Variants in FCHO2 observed in about 807,000 individuals in gnomAD.
FCHO2 encodes F-BAR domain only protein 2.
Under a neutral mutation model 114.1 loss-of-function variants are expected in FCHO2, and 43 were observed. The observed-to-expected ratio is 0.38, with a 90% confidence interval of 0.30 to 0.49. The LOEUF is 0.49. FCHO2 is among the 20% of genes least tolerant of loss of function. The pLI, the probability that FCHO2 is intolerant of heterozygous loss-of-function variation, is 0.97. For missense variants in FCHO2, 807 were observed against 950.4 expected, an observed-to-expected ratio of 0.85 and a Z score of 1.98; for synonymous variants, 293 against 315.2, an observed-to-expected ratio of 0.93 and a Z score of 0.75.
rs1236753659 is a variant in FCHO2 at position 73,089,168 on chromosome 5, A to AGT, written c.*1084_*1085dup. On this transcript the variant is annotated 3_prime_UTR_variant, in exon 26 of 26. Transcript: ENST00000430046. The stretch of plus-strand genomic sequence containing the variant: ...GATACTTGACATTAACCTCATCAAA[A>AGT]GTGTGTGAATTTTAAAACAAATTCT... 1 of 152,566 alleles carries AGT rather than the reference A, an allele frequency of 6.6e-6. No homozygotes were observed. Among genetic ancestry groups the AGT allele is most frequent in the African/African-American group, 2.4e-5 (1 of 41,446 alleles). The allele number at this position is 152,566 out of a possible 1,614,324, so 9.5% of individuals were successfully genotyped here. A position where few individuals can be genotyped will look rare whatever the true frequency, so the allele number is the denominator to read the frequency against.
At chr5:73,052,529 CTCT>C in intron 13 of FCHO2, 22 bp downstream of exon 13, 1 of 1,543,716 alleles carries the variant, frequency 6.5e-7, no homozygotes, top group Non-Finnish European at 8.7e-7. Flanking sequence ...CACGTTTGTA[CTCT>C]TTATATAAAA....
At chr5:73,010,562 A>G (rs1024145496) in intron 6 of FCHO2, among the ~76,000 whole-genome samples, 2 of 152,070 alleles carry the variant, frequency 1.3e-5, no homozygotes, top group African/African-American at 4.8e-5. Context: ...CAATTTTGTC[A>G]TTGTGTGAAC....
At chr5:73,017,702 C>G (rs1755379867) in intron 8 of FCHO2, among the ~76,000 whole-genome samples, 1 of 152,086 alleles carries the variant, frequency 6.6e-6, no homozygotes, top group Admixed American at 6.6e-5. Context: ...ATTGAACGCT[C>G]AGAACATTGA....
intron 2 of FCHO2, among the ~76,000 whole-genome samples, chr5:72,975,951 C>T (rs1353064585): frequency 5.9e-5 from 9 of 152,116 alleles, no homozygotes; most frequent in South Asian, 2.1e-4. Flanking sequence ...TGCAGGTTTT[C>T]GTGTGAACAT....
At chr5:72,998,216 G>A (rs1025738255) in intron 5 of FCHO2, among the ~76,000 whole-genome samples, 9 of 152,048 alleles carry the variant, frequency 5.9e-5, no homozygotes, top group Admixed American at 2.0e-4. Context: ...GGTCAGGCGC[G>A]GTGGCTCACA....
chr5:73,021,424 G>A, intron 8 of FCHO2: 1 of 273,856 alleles, frequency 3.7e-6, no homozygotes, highest in Non-Finnish European at 7.2e-6. Context: ...CCTTCACTGA[G>A]GCCAACCTGA....
rs7712684 is a variant in FCHO2 at position 73,051,289 on chromosome 5, A to G, written c.940-60A>G. The G allele has an allele frequency of 1.2e-3, 1,384 of 1,166,926 alleles. 18 individuals carry two copies. In the African/African-American group the frequency reaches 0.02, roughly 17 times the overall value. The allele number at this position is 1,166,926 out of a possible 1,614,324, so 72.3% of individuals were successfully genotyped here. On this transcript the variant is annotated intron_variant, in intron 11 of 25. Coordinates refer to ENST00000430046, the MANE Select transcript of FCHO2 (RefSeq NM_138782.3). ...AGTAATACCTGAGGCTACTTTGATA[A>G]TCTCTAATAATTTTGTACATTGGAG...
At chr5:73,032,729 G>A (rs1580136513) in intron 8 of FCHO2, among the ~76,000 whole-genome samples, 2 of 152,106 alleles carry the variant, frequency 1.3e-5, no homozygotes, top group Admixed American at 6.6e-5. Flanking sequence ...TAGAGTAAGC[G>A]TGTGGCCTGA....
intron 8 of FCHO2, among the ~76,000 whole-genome samples, chr5:73,025,605 C>T (rs1755873048): frequency 6.6e-6 from 1 of 152,086 alleles, no homozygotes; most frequent in African/African-American, 2.4e-5. Flanking sequence ...TCTCAAACTC[C>T]TGACCTCAGG....
At chr5:72,986,615 C>T (rs1365137340) in intron 2 of FCHO2, among the ~76,000 whole-genome samples, 1 of 152,130 alleles carries the variant, frequency 6.6e-6, no homozygotes, top group Non-Finnish European at 1.5e-5. Context: ...CTAAATTTTC[C>T]TCAGTGAGAA....
intron 5 of FCHO2, chr5:72,997,018 G>A (rs1294867808): frequency 1.3e-6 from 2 of 1,512,676 alleles, no homozygotes; most frequent in African/African-American, 1.4e-5. Context: ...AGATCTGCAT[G>A]GTAATTCAGC....
chr5:73,050,298 T>TTATG (rs1757282259), intron 11 of FCHO2, among the ~76,000 whole-genome samples: 1 of 100,642 alleles, frequency 9.9e-6, no homozygotes, highest in African/African-American at 3.7e-5. Flanking sequence ...TTTCTGCTAT[T>TTATG]TATTTATTTA....
intron 11 of FCHO2, among the ~76,000 whole-genome samples, chr5:73,047,278 A>G (rs1259188048): frequency 6.6e-6 from 1 of 152,174 alleles, no homozygotes; most frequent in African/African-American, 2.4e-5. Flanking sequence ...AATTTCAAAT[A>G]TTCCATTATC....
intron 8 of FCHO2, among the ~76,000 whole-genome samples, chr5:73,029,980 AT>A (rs1228240259): frequency 3.4e-5 from 5 of 148,972 alleles, no homozygotes; most frequent in African/African-American, 7.4e-5. Flanking sequence ...ATTTTTGGAC[AT>A]TTTTTTCTTT....
At chr5:72,956,153 G>C (rs368276288) in intron 1 of FCHO2, 24 bp downstream of exon 1, 11 of 1,532,758 alleles carry the variant, frequency 7.2e-6, no homozygotes, top group Non-Finnish European at 9.7e-6. Flanking sequence ...GTTGGAAGTC[G>C]TGTGTTTCGA....
chr5:72,956,572 G>GC (rs1751556319), intron 1 of FCHO2, among the ~76,000 whole-genome samples: 4 of 152,110 alleles, frequency 2.6e-5, no homozygotes, highest in Non-Finnish European at 2.9e-5. Flanking sequence ...CTCACCGCGG[G>GC]CCCCCCATCT....
At chr5:72,986,424 G>T (rs1470293192) in intron 2 of FCHO2, among the ~76,000 whole-genome samples, 1 of 152,126 alleles carries the variant, frequency 6.6e-6, no homozygotes, top group Non-Finnish European at 1.5e-5. Flanking sequence ...GCTGAGAAAA[G>T]CTCTGTTTCA....
At chr5:72,985,180 G>GA (rs1753441352) in intron 2 of FCHO2, among the ~76,000 whole-genome samples, 1 of 137,496 alleles carries the variant, frequency 7.3e-6, no homozygotes, top group Non-Finnish European at 1.6e-5. Flanking sequence ...TTTTTTTTTT[G>GA]GACTGAGTCT....
In FCHO2 at chr5:72,997,625, C is replaced by T. The variant is rs571904779; in HGVS notation, c.495+6761C>T. On this transcript the variant is annotated intron_variant, in intron 5 of 25. Transcript: ENST00000430046. ...TCGTTCCGTGCTGAGCCGCAACCTTCACCAGTATAGGTTCTGGTGACAGCT... is the reference window on the plus strand; with the variant it reads ...TCGTTCCGTGCTGAGCCGCAACCTTTACCAGTATAGGTTCTGGTGACAGCT... The T allele has an allele frequency of 1.5e-5, 22 of 1,441,472 alleles. No individual in the cohort carries two copies. The South Asian group carries it at 2.4e-4, about 16-fold the overall frequency. The allele number at this position is 1,441,472 out of a possible 1,614,324, so 89.3% of individuals were successfully genotyped here.
Sources: gnomAD v4.1 joint callset for allele counts (sites outside exome capture counted in the v4.1 genomes callset) on GRCh38, gnomAD v4.1.1 for gene constraint, MANE v1.5 for transcripts, NCBI Gene and HGNC (gene_info 2026-07-23, HGNC 2026-07-21) for gene names.